The following PEAK1 variants were observed in gnomAD, a reference collection of about 807,000 sequenced individuals.
The protein encoded by PEAK1 is pseudopodium enriched atypical kinase 1.
Under a neutral mutation model 124.7 loss-of-function variants are expected in PEAK1, and 54 were observed. The ratio of observed to expected loss-of-function variants is 0.43; its 90% CI spans 0.35 to 0.54. PEAK1 has a LOEUF of 0.54. Among genes scored for constraint, PEAK1 ranks in the 20% least tolerant of loss-of-function variants. The pLI is 0.01. For missense variants in PEAK1, 2,046 were observed against 2,134.5 expected (o/e 0.96, Z 0.82); for synonymous variants, 719 against 760.0 (o/e 0.95, Z 0.89).
At chr15:77,253,464 C>T (rs2060978936) in intron 5 of PEAK1, among the ~76,000 whole-genome samples, 2 of 152,102 alleles carry the variant, frequency 1.3e-5, no homozygotes, top group South Asian at 4.1e-4. Flanking sequence ...TATTTATCAC[C>T]TTGGTGGTAT....
chr15:77,250,929 A>G (rs966448904), intron 6 of PEAK1, among the ~76,000 whole-genome samples: 6 of 152,210 alleles, frequency 3.9e-5, no homozygotes, highest in African/African-American at 1.4e-4. Flanking sequence ...ATTCTTTGGT[A>G]TATAATTTCT....
chr15:77,411,388 C>T (rs1028049675), intron 1 of PEAK1, among the ~76,000 whole-genome samples: 3 of 152,108 alleles, frequency 2.0e-5, no homozygotes, highest in African/African-American at 7.2e-5. Context: ...ATTAACAACC[C>T]AAGACCTAAT....
At chr15:77,334,312 T>G in intron 2 of PEAK1, 1 of 985,372 alleles carries the variant, frequency 1.0e-6, no homozygotes, top group Non-Finnish European at 1.2e-6. Context: ...TCTTCTCTTT[T>G]GAAATGACTG....
At chr15:77,295,412 G>GTTT in intron 2 of PEAK1, among the ~76,000 whole-genome samples, 1 of 152,132 alleles carries the variant, frequency 6.6e-6, no homozygotes, top group South Asian at 2.1e-4. Context: ...ACTTTTACTA[G>GTTT]ATTTGTGGAC....
At chr15:77,336,292 A>G in intron 2 of PEAK1, 1 of 985,398 alleles carries the variant, frequency 1.0e-6, no homozygotes. Flanking sequence ...AACTGTCCAC[A>G]TGGCTGGTAG....
chr15:77,262,104 A>G (rs1462225831), intron 5 of PEAK1, among the ~76,000 whole-genome samples: 2 of 152,204 alleles, frequency 1.3e-5, no homozygotes, highest in Non-Finnish European at 2.9e-5. Flanking sequence ...GAACTCCTGA[A>G]GGAAGCACTA....
intron 2 of PEAK1, among the ~76,000 whole-genome samples, chr15:77,326,086 A>C (rs1042010459): frequency 6.6e-6 from 1 of 152,180 alleles, no homozygotes; most frequent in Non-Finnish European, 1.5e-5. Context: ...GATCTCAAAT[A>C]ATCTCCATAG....
At chr15:77,146,565 A>G (rs2054191119) in intron 8 of PEAK1, among the ~76,000 whole-genome samples, 2 of 152,214 alleles carry the variant, frequency 1.3e-5, no homozygotes, top group African/African-American at 4.8e-5. Flanking sequence ...ATGGAAAACT[A>G]TTTTTAAATG....
chr15:77,275,185 G>A (rs1460219647), intron 5 of PEAK1, among the ~76,000 whole-genome samples: 3 of 152,096 alleles, frequency 2.0e-5, no homozygotes, highest in Non-Finnish European at 2.9e-5. Context: ...AGGGAGGTGA[G>A]GGATAAAAGA....
At chr15:77,361,911 AAG>A (rs1261103219) in intron 2 of PEAK1, among the ~76,000 whole-genome samples, 1 of 152,206 alleles carries the variant, frequency 6.6e-6, no homozygotes, top group Non-Finnish European at 1.5e-5. Flanking sequence ...GAAAAAAAAA[AAG>A]AAATCCTGTC....
chr15:77,322,138 A>C (rs879272589), intron 2 of PEAK1, among the ~76,000 whole-genome samples: 1 of 152,228 alleles, frequency 6.6e-6, no homozygotes, highest in Non-Finnish European at 1.5e-5. Context: ...CAGTGTGTAG[A>C]GGGAAATTTA....
intron 1 of PEAK1, among the ~76,000 whole-genome samples, chr15:77,383,515 T>G (rs1244219970): frequency 6.6e-6 from 1 of 152,190 alleles, no homozygotes; most frequent in Non-Finnish European, 1.5e-5. Context: ...CTGTTCAAAA[T>G]CTTCCCACTA....
At position 77,150,541 on chromosome 15, in the gene PEAK1, T is replaced by C. The variant is rs567393830; in HGVS notation, c.3331+7962A>G. Among the ~76,000 whole-genome samples the C allele has an allele frequency of 1.1e-4, 16 of 152,322 alleles. No individual in the cohort carries two copies. The South Asian group carries it at 3.1e-3, about 30-fold the overall frequency. ...TTTATTTTTATTACACTTTAAGTTT[T>C]AGGGTACATGTGCACAAAGTGCAGG... On this transcript the variant is annotated intron_variant, in intron 8 of 9. Coordinates refer to ENST00000682557, the MANE Select transcript of PEAK1 (RefSeq NM_001385026.1).
At chr15:77,316,747 G>T (rs1364633664) in intron 2 of PEAK1, among the ~76,000 whole-genome samples, 1 of 152,130 alleles carries the variant, frequency 6.6e-6, no homozygotes, top group Non-Finnish European at 1.5e-5. Context: ...AAAACTATAT[G>T]TATACCTATG....
chr15:77,115,378 C>A, intron 9 of PEAK1, 59 bp from the exon 10 acceptor site: 2 of 1,465,122 alleles, frequency 1.4e-6, no homozygotes, highest in East Asian at 2.3e-5. Flanking sequence ...TATGATGTAT[C>A]AGGGAAGATT....
In PEAK1 at chr15:77,133,872, T is replaced by G; in HGVS notation, c.3332-122A>C. On this transcript the variant is annotated intron_variant, in intron 8 of 9. Coordinates refer to ENST00000682557, the MANE Select transcript of PEAK1 (RefSeq NM_001385026.1). The surrounding 1 kb of genome is among the most constrained non-coding windows in gnomAD (Gnocchi z 4.2). ...TGGGAATGTAAGAATAAGTCAACTC[T>G]TTAGTTCAAAATGGGAAAAGAGAAC... 9.0e-7 allele frequency: 1 copy of G among 1,117,194 alleles called. No homozygotes were observed. Among genetic ancestry groups the G allele is most frequent in the Non-Finnish European group, 1.2e-6 (1 of 817,662 alleles). 69.2% of individuals were successfully genotyped at this position (1,117,194 alleles called of 1,614,324 possible). A position where few individuals can be genotyped will look rare whatever the true frequency, so the allele number is the denominator to read the frequency against.
chr15:77,215,447 T>A (rs1419942761), intron 6 of PEAK1, among the ~76,000 whole-genome samples: 1 of 152,218 alleles, frequency 6.6e-6, no homozygotes, highest in Non-Finnish European at 1.5e-5. Context: ...AAGTCCTTTA[T>A]ATGAAATGGT....
chr15:77,220,100 C>T (rs781701450), intron 6 of PEAK1, among the ~76,000 whole-genome samples: 11 of 151,830 alleles, frequency 7.2e-5, no homozygotes, highest in South Asian at 4.2e-4. Flanking sequence ...TGGGGCAAGA[C>T]GGGAGGAAGA....
chr15:77,402,325 T>C (rs1414522495), intron 1 of PEAK1: 1 of 985,090 alleles, frequency 1.0e-6, no homozygotes, highest in Non-Finnish European at 1.2e-6. Flanking sequence ...GAAAAGGAGA[T>C]CAAGGGAATA....
Sources: allele counts gnomAD v4.1 joint callset (sites outside exome capture counted in the v4.1 genomes callset), GRCh38; gene constraint gnomAD v4.1.1; non-coding constraint Gnocchi (gnomAD v3.1); transcripts MANE v1.5; gene names NCBI Gene and HGNC (gene_info 2026-07-23, HGNC 2026-07-21).